GALNT1: variants seen among roughly 807,000 people sequenced by gnomAD.
GALNT1 encodes the protein GalNAc transferase 1.
A neutral mutation model predicts 65.7 loss-of-function variants in GALNT1; 17 were observed. The ratio of observed to expected loss-of-function variants is 0.26; its 90% confidence interval spans 0.18 to 0.39. The LOEUF (loss-of-function observed/expected upper bound fraction) is 0.39. Ranked by LOEUF, GALNT1 falls within the 10% of genes least tolerant of loss-of-function variation. The probability of loss-of-function intolerance (pLI) is 1.00; values close to 1 mark genes in which losing one functional copy is unlikely to be tolerated. For synonymous variants in GALNT1, 210 were observed against 219.7 expected, an observed-to-expected ratio of 0.96 and a Z score of 0.39; for missense variants, 460 against 672.8, an observed-to-expected ratio of 0.68 and a Z score of 3.50.
intron 9 of GALNT1, among the ~76,000 whole-genome samples, chr18:35,693,619 TA>T (rs1436300350): frequency 6.6e-6 from 1 of 152,168 alleles, no homozygotes; most frequent in Admixed American, 6.5e-5. Flanking sequence ...ACACTGACTG[TA>T]AAGTTGCCAT....
chr18:35,599,816 T>G (rs2098774), intron 1 of GALNT1, among the ~76,000 whole-genome samples: 16,085 of 152,266 alleles, frequency 0.11, 1,116 homozygotes, highest in African/African-American at 0.2. Context: ...TCTTGCCTTT[T>G]TCAAAAATGA....
chr18:35,640,532 A>T (rs540095088), intron 1 of GALNT1, among the ~76,000 whole-genome samples: 136 of 152,208 alleles, frequency 8.9e-4, no homozygotes, highest in Non-Finnish European at 1.1e-3. Context: ...TTATTTATAG[A>T]TTTATTTCAA....
At chr18:35,606,813 TTGA>T (rs1343040227) in intron 1 of GALNT1, among the ~76,000 whole-genome samples, 1 of 147,642 alleles carries the variant, frequency 6.8e-6, no homozygotes, top group Non-Finnish European at 1.5e-5. Context: ...GATCTCTTTG[TTGA>T]TGTTTTGTGT....
intron 1 of GALNT1, among the ~76,000 whole-genome samples, chr18:35,621,129 G>A (rs188745738): frequency 3.3e-5 from 5 of 151,114 alleles, no homozygotes; most frequent in East Asian, 1.9e-4. Flanking sequence ...TGATTTGCCC[G>A]TTCATATCTT....
At chr18:35,605,818 T>C (rs1464045705) in intron 1 of GALNT1, among the ~76,000 whole-genome samples, 1 of 152,200 alleles carries the variant, frequency 6.6e-6, no homozygotes, top group Non-Finnish European at 1.5e-5. Context: ...CCAGCTGAAC[T>C]CTAGACCTAA....
Position 35,683,581 on chromosome 18 carries a change from C to T in GALNT1, c.672C>T (p.Ala224=). ...CTVGWLEPLL[A]RIKHDRRTVV... is the part of the protein sequence containing the mutation. ...TGGGATGGCTGGAGCCTCTCTTGGC[C>T]AGGATCAAACATGACAGGTAATTTT... The change falls in exon 5 of 12, where the codon GCC becomes GCT. Residue 224 remains alanine, a synonymous_variant. Coordinates refer to ENST00000269195, the MANE Select transcript of GALNT1 (RefSeq NM_020474.4). 1 of 1,613,444 alleles carries T rather than the reference C, an allele frequency of 6.2e-7. No individual in the cohort carries two copies. The highest frequency in any genetic ancestry group is 1.7e-5 in the Admixed American group (1 of 59,950).
At chr18:35,591,208 C>T (rs1337733052) in intron 1 of GALNT1, among the ~76,000 whole-genome samples, 1 of 152,140 alleles carries the variant, frequency 6.6e-6, no homozygotes, top group East Asian at 1.9e-4. Flanking sequence ...AGAGAAAGGA[C>T]CTTTGTGGCA....
At chr18:35,611,663 C>T (rs901877929) in intron 1 of GALNT1, among the ~76,000 whole-genome samples, 1 of 152,108 alleles carries the variant, frequency 6.6e-6, no homozygotes, top group Admixed American at 6.6e-5. Context: ...GTGCCAAATG[C>T]AGGAGGAATT....
chr18:35,684,372 A>G (rs1401226509), intron 5 of GALNT1, among the ~76,000 whole-genome samples: 3 of 152,216 alleles, frequency 2.0e-5, no homozygotes, highest in African/African-American at 7.2e-5. Context: ...AGATGAATAA[A>G]TAGGAAAACT....
intron 1 of GALNT1, chr18:35,596,105 T>G (rs1440456728): frequency 6.6e-6 from 1 of 152,036 alleles, no homozygotes; most frequent in Admixed American, 6.6e-5. Flanking sequence ...ATATAGAGAT[T>G]AGGGTAGATT....
At chr18:35,583,053 G>A (rs1376184723) in intron 1 of GALNT1, among the ~76,000 whole-genome samples, 4 of 152,156 alleles carry the variant, frequency 2.6e-5, no homozygotes, top group African/African-American at 9.7e-5. Context: ...TACTGAATGC[G>A]ATCTGTCTAT....
chr18:35,676,820 CTAG>C (rs2047717887), intron 3 of GALNT1, among the ~76,000 whole-genome samples: 1 of 152,154 alleles, frequency 6.6e-6, no homozygotes, highest in East Asian at 1.9e-4. Context: ...GTAATTTCAT[CTAG>C]CTAACAAGGT....
At chr18:35,581,902 AGCGCTGCGC>A (rs2046325139) in intron 1 of GALNT1, 40 bp downstream of exon 1, 1 of 149,080 alleles carries the variant, frequency 6.7e-6, no homozygotes, top group Non-Finnish European at 1.5e-5. Context: ...CCGGAGCCGC[AGCGCTGCGC>A]GCGGGTCGGA....
At chr18:35,633,468 C>G (rs1213472442) in intron 1 of GALNT1, among the ~76,000 whole-genome samples, 4 of 149,530 alleles carry the variant, frequency 2.7e-5, no homozygotes, top group African/African-American at 9.9e-5. Flanking sequence ...ACCCCATGTT[C>G]TCACTCATAG....
At chr18:35,587,795 A>G (rs1046968184) in intron 1 of GALNT1, among the ~76,000 whole-genome samples, 6 of 152,190 alleles carry the variant, frequency 3.9e-5, no homozygotes, top group African/African-American at 7.2e-5. Flanking sequence ...GCATTTAGCA[A>G]TGTTTCCCTC....
intron 2 of GALNT1, 107 bp downstream of exon 2, chr18:35,654,908 G>A: frequency 1.3e-6 from 1 of 766,458 alleles, no homozygotes; most frequent in Non-Finnish European, 1.8e-6. Flanking sequence ...ACTGTAGTCT[G>A]TGACTTCCTG....
intron 1 of GALNT1, among the ~76,000 whole-genome samples, chr18:35,649,094 A>T (rs1440645291): frequency 6.6e-6 from 1 of 152,204 alleles, no homozygotes; most frequent in African/African-American, 2.4e-5. Flanking sequence ...TTTCTCCTGA[A>T]TAAATAGGAA....
intron 9 of GALNT1, among the ~76,000 whole-genome samples, chr18:35,693,352 A>C (rs1234499598): frequency 6.6e-6 from 1 of 152,232 alleles, no homozygotes; most frequent in Non-Finnish European, 1.5e-5. Flanking sequence ...AGAGTGAACA[A>C]GGTGGAGAGT....
At chr18:35,631,981 C>A (rs1461535994) in intron 1 of GALNT1, among the ~76,000 whole-genome samples, 2 of 152,106 alleles carry the variant, frequency 1.3e-5, no homozygotes, top group Non-Finnish European at 2.9e-5. Context: ...ACCTAGGAAT[C>A]CAACTTACAA....
Sources: allele counts gnomAD v4.1 joint callset (sites outside exome capture counted in the v4.1 genomes callset), GRCh38; gene constraint gnomAD v4.1.1; transcripts MANE v1.5; gene names NCBI Gene and HGNC (gene_info 2026-07-23, HGNC 2026-07-21).